The following DIPK2B variants were observed in gnomAD, a reference collection of about 807,000 sequenced individuals.
DIPK2B encodes UPF0672 protein CXorf36.
Under a neutral mutation model 22.2 loss-of-function variants are expected in DIPK2B, and 15 were observed. The ratio of observed to expected loss-of-function variants is 0.68; its 90% confidence interval spans 0.45 to 1.04. DIPK2B has a LOEUF of 1.04. DIPK2B is among the 50% of genes least tolerant of loss of function. DIPK2B has a pLI of 0.00. For synonymous variants in DIPK2B, 163 were observed against 153.2 expected (o/e 1.06, Z -0.47); for missense variants, 345 against 348.3 (o/e 0.99, Z 0.08).
chrX:45,156,390 C>T (rs1395929724), intron 3 of DIPK2B, among the ~76,000 whole-genome samples: 2 of 112,047 alleles, frequency 1.8e-5, no homozygotes, highest in Non-Finnish European at 3.8e-5. Flanking sequence ...CTGGGCAGAG[C>T]CCAGGGCTGA....
chrX:45,184,970 CTT>C lies in DIPK2B; in HGVS notation c.498+6779_498+6780del, dbSNP rs776076272. Reference sequence around the variant, plus strand: ...TATAGTTAATGTCTGATGTGATTCTCTTTTGATTAGATAAAATGATCTTTAAT... The same window carrying C: ...TATAGTTAATGTCTGATGTGATTCTCTTGATTAGATAAAATGATCTTTAAT... On this transcript the variant is annotated intron_variant, in intron 2 of 4. Coordinates refer to ENST00000398000, the MANE Select transcript of DIPK2B (RefSeq NM_176819.4). 2.7e-5 allele frequency among the ~76,000 whole-genome samples: 3 copies of C among 111,294 alleles called. No homozygotes were observed. In the East Asian group the frequency reaches 8.4e-4, roughly 31 times the overall value.
At chrX:45,176,187 G>T (rs2047117134) in intron 2 of DIPK2B, among the ~76,000 whole-genome samples, 1 of 110,813 alleles carries the variant, frequency 9.0e-6, no homozygotes, top group Non-Finnish European at 1.9e-5. Context: ...TTTCACCACT[G>T]GGCTATGGAC....
At chrX:45,187,057 C>G (rs1203648344) in intron 2 of DIPK2B, among the ~76,000 whole-genome samples, 1 of 111,914 alleles carries the variant, frequency 8.9e-6, no homozygotes, top group Non-Finnish European at 1.9e-5. Context: ...CTCGTTTAAA[C>G]AAAGCTGACT....
chrX:45,166,841 C>G lies in DIPK2B; in HGVS notation c.499-8953G>C, dbSNP rs765294591. Among the ~76,000 whole-genome samples, 8 of 112,314 alleles carry G rather than the reference C, an allele frequency of 7.1e-5. No individual in the cohort carries two copies. In the South Asian group the frequency reaches 2.6e-3, roughly 37 times the overall value. ...TCAGTAAGAAGGTTTTCCTTGCCAGCTACATTTGGAAGGCTGAGGGAAATC... is the reference window on the plus strand; with the variant it reads ...TCAGTAAGAAGGTTTTCCTTGCCAGGTACATTTGGAAGGCTGAGGGAAATC... On this transcript the variant is annotated intron_variant, in intron 2 of 4. Coordinates refer to ENST00000398000, the MANE Select transcript of DIPK2B (RefSeq NM_176819.4).
At chrX:45,197,363 G>A (rs1368317288) in intron 1 of DIPK2B, among the ~76,000 whole-genome samples, 2 of 110,900 alleles carry the variant, frequency 1.8e-5, no homozygotes, top group African/African-American at 6.6e-5. Context: ...TCAGCTTCCC[G>A]AGTAGCTGGG....
rs1386742987 is a variant in DIPK2B at position 45,150,943 on chromosome X, A to T, written c.*709T>A. On this transcript the variant is annotated 3_prime_UTR_variant, in exon 5 of 5. Transcript: ENST00000398000. ...ACATATTCTTGGAAGACTTGGGCTA[A>T]CACATTGGTCCCCCGCCGGCCCCCC... The T allele has an allele frequency of 9.0e-6, 1 of 111,158 alleles. No homozygotes were observed. 9.2% of individuals were successfully genotyped at this position (111,158 alleles called of 1,213,427 possible).
rs1481160622 is a variant in DIPK2B at position 45,157,859 on chromosome X, A to G, written c.528T>C (p.Pro176=). The G allele has an allele frequency of 1.7e-6, 2 of 1,152,495 alleles. No individual in the cohort carries two copies. Among genetic ancestry groups the G allele is most frequent in the Non-Finnish European group, 2.3e-6 (2 of 866,415 alleles). 95.0% of individuals were successfully genotyped at this position (1,152,495 alleles called of 1,213,427 possible). ...CCACGCGATCCAGGAGTCGCTGCGA[A>G]GGGCAGCGCAGGAGCGGGCTGGCCA... ...QGLASPLLRC[P]SQRLLDRVVR... is the part of the protein sequence containing the mutation. The change falls in exon 3 of 5, where the codon CCT becomes CCC. Residue 176 remains proline (P), a synonymous_variant. Transcript: ENST00000398000.
chrX:45,199,083 G>A (rs758767788), intron 1 of DIPK2B, among the ~76,000 whole-genome samples: 2 of 111,370 alleles, frequency 1.8e-5, no homozygotes, highest in Admixed American at 9.6e-5. Context: ...CTCAATCAGT[G>A]GTCTTTCAAA....
chrX:45,158,562 T>C (rs1214193782), intron 2 of DIPK2B, among the ~76,000 whole-genome samples: 2 of 110,761 alleles, frequency 1.8e-5, no homozygotes, highest in Non-Finnish European at 3.8e-5. Flanking sequence ...TAGGCTTTTT[T>C]TTTTCTCTCA....
At position 45,187,468 on chromosome X, in the gene DIPK2B, G is replaced by GCGCACACA. The variant is rs1556403888; in HGVS notation, c.498+4282_498+4283insTGTGTGCG. On this transcript the variant is annotated intron_variant, in intron 2 of 4. Coordinates refer to ENST00000398000, the MANE Select transcript of DIPK2B (RefSeq NM_176819.4). ...TACACATGCTCGAGGGCGCGCGCGC[G>GCGCACACA]CACACACACACACACACACACACAC... Among the ~76,000 whole-genome samples the GCGCACACA allele has an allele frequency of 6.2e-3, 606 of 98,469 alleles. 4 individuals are homozygous for GCGCACACA. The highest frequency in any genetic ancestry group is 0.011 in the Middle Eastern group (2 of 187). 85.5% of individuals were successfully genotyped at this position (98,469 alleles called of 115,157 possible).
At chrX:45,185,939 A>C (rs1202477993) in intron 2 of DIPK2B, among the ~76,000 whole-genome samples, 2 of 111,412 alleles carry the variant, frequency 1.8e-5, no homozygotes, top group African/African-American at 6.5e-5. Context: ...GGCGTGAGCC[A>C]CCGCGCCCGG....
rs775676593 is a variant in DIPK2B, at chrX:45,157,765, G to C, written c.622C>G (p.Leu208Val). ...FMDHFTDRDK[L>V]RLLYTLAVNS... Reference sequence around the variant, plus strand: ...ACAGCCAGCGTGTAGAGCAGGCGCAGCTTGTCACGGTCGGTGAAGTGGTCC... The same window carrying C: ...ACAGCCAGCGTGTAGAGCAGGCGCACCTTGTCACGGTCGGTGAAGTGGTCC... The change falls in exon 3 of 5, where the codon CTG (leucine) becomes GTG (valine). Residue 208 changes from leucine to valine, a missense_variant. Physicochemically the swap from Leu to Val is conservative, Grantham distance 32 (BLOSUM62 1). Coordinates refer to ENST00000398000, the MANE Select transcript of DIPK2B (RefSeq NM_176819.4). The C allele has an allele frequency of 8.4e-7, 1 of 1,194,139 alleles. No homozygotes were observed. Among genetic ancestry groups the C allele is most frequent in the South Asian group, 1.8e-5 (1 of 54,297 alleles).
rs1474836507 is a variant in DIPK2B at position 45,151,686 on chromosome X, C to T, written c.1268G>A (p.Arg423His). The T allele has an allele frequency of 2.5e-6, 3 of 1,210,431 alleles. No homozygotes were observed. The highest frequency in any genetic ancestry group is 3.4e-6 in the Non-Finnish European group (3 of 895,209). The change falls in exon 5 of 5, where the codon CGT becomes CAT. Residue 423 changes from arginine (R) to histidine (H), a missense_variant. Transcript: ENST00000398000. ...LRTCDSRFAY[R>H]YPDCKYNDKF ...ATCGTTATATTTGCAATCTGGGTAA[C>T]GATAGGCAAATCTGGAGTCACACGT...
chrX:45,195,180 G>A (rs1016251110), intron 1 of DIPK2B, among the ~76,000 whole-genome samples: 1 of 112,503 alleles, frequency 8.9e-6, no homozygotes, highest in African/African-American at 3.2e-5. Context: ...AAATGTCAGT[G>A]CTTTTTATTC....
At chrX:45,167,822 T>A (rs1001405981) in intron 2 of DIPK2B, among the ~76,000 whole-genome samples, 2 of 111,783 alleles carry the variant, frequency 1.8e-5, no homozygotes, top group African/African-American at 6.5e-5. Flanking sequence ...CTAGCTAGGA[T>A]TACAGGCGTG....
At chrX:45,182,359 A>T (rs2047159612) in intron 2 of DIPK2B, among the ~76,000 whole-genome samples, 1 of 111,750 alleles carries the variant, frequency 8.9e-6, no homozygotes. Context: ...ATACTGCCAA[A>T]CTCCCACCAA....
intron 2 of DIPK2B, among the ~76,000 whole-genome samples, chrX:45,161,903 A>G (rs2047024364): frequency 8.9e-6 from 1 of 111,894 alleles, no homozygotes; most frequent in Non-Finnish European, 1.9e-5. Context: ...ATAGAGTCTC[A>G]TTTCCCTCCT....
intron 2 of DIPK2B, among the ~76,000 whole-genome samples, chrX:45,182,936 G>A (rs2047162860): frequency 8.9e-6 from 1 of 111,772 alleles, no homozygotes; most frequent in African/African-American, 3.3e-5. Context: ...AAACTGGGAT[G>A]GTTGGTCACC....
intron 2 of DIPK2B, among the ~76,000 whole-genome samples, chrX:45,168,661 A>T (rs924053469): frequency 8.9e-6 from 1 of 112,462 alleles, no homozygotes; most frequent in African/African-American, 3.2e-5. Context: ...GAGGGTTTTC[A>T]GGAGAGGAGT....
Sources: gnomAD v4.1 joint callset for allele counts (sites outside exome capture counted in the v4.1 genomes callset) on GRCh38, gnomAD v4.1.1 for gene constraint, MANE v1.5 for transcripts, NCBI Gene and HGNC (gene_info 2026-07-23, HGNC 2026-07-21) for gene names.